The following FSTL5 variants were observed in gnomAD, a reference collection of about 807,000 sequenced individuals.
FSTL5 encodes follistatin-related protein 5.
In FSTL5, 62 loss-of-function variants were observed where a neutral mutation model predicts 89.1. The ratio of observed to expected loss-of-function variants is 0.70; its 90% CI spans 0.57 to 0.86. The LOEUF (loss-of-function observed/expected upper bound fraction) is 0.86, where lower values mean the gene tolerates loss of function less well. Ranked by LOEUF, FSTL5 falls within the 40% of genes least tolerant of loss-of-function variation. FSTL5 has a pLI of 0.00. For missense variants in FSTL5, 1,057 were observed against 1,001.6 expected, an observed-to-expected ratio of 1.06 and a Z score of -0.75; for synonymous variants, 383 against 346.2, an observed-to-expected ratio of 1.11 and a Z score of -1.18.
Position 161,908,968 on chromosome 4 carries a change from G to A in FSTL5, c.409+11436C>T, listed in dbSNP as rs185871763. Among the ~76,000 whole-genome samples, 53 of 152,166 alleles carry A rather than the reference G, an allele frequency of 3.5e-4. 1 individual carries two copies. Among genetic ancestry groups the A allele is most frequent in the South Asian group, 1.5e-3 (7 of 4,824 alleles). On this transcript the variant is annotated intron_variant, in intron 4 of 15. Transcript: ENST00000306100. ...TTGTCCTATGCCTACTTCAGTGACC[G>A]CTCATTGACCGGAAATGGAAAACTC... is the stretch of plus-strand genomic sequence containing the variant.
intron 3 of FSTL5, among the ~76,000 whole-genome samples, chr4:162,015,921 G>A (rs897210325): frequency 5.3e-5 from 8 of 152,122 alleles, no homozygotes; most frequent in Admixed American, 1.3e-4. Flanking sequence ...TTAAGACTTG[G>A]CAAGGATGTT....
intron 7 of FSTL5, among the ~76,000 whole-genome samples, chr4:161,624,832 G>T (rs1735259801): frequency 6.6e-6 from 1 of 151,958 alleles, no homozygotes; most frequent in Non-Finnish European, 1.5e-5. Flanking sequence ...TATATGTTTT[G>T]TAGATACTGC....
chr4:161,526,176 A>G (rs947794387), intron 10 of FSTL5, among the ~76,000 whole-genome samples: 1 of 152,188 alleles, frequency 6.6e-6, no homozygotes, highest in Non-Finnish European at 1.5e-5. Flanking sequence ...TGACATTAAC[A>G]TTAGTATAAC....
intron 4 of FSTL5, among the ~76,000 whole-genome samples, chr4:161,790,967 G>A (rs1287968384): frequency 2.8e-5 from 4 of 143,584 alleles, no homozygotes; most frequent in Admixed American, 2.2e-4. Flanking sequence ...TCATGACCAT[G>A]TCCCTAGCAC....
intron 15 of FSTL5, among the ~76,000 whole-genome samples, chr4:161,396,820 A>T (rs1314533665): frequency 6.6e-6 from 1 of 152,112 alleles, no homozygotes; most frequent in Admixed American, 6.6e-5. Context: ...TAAACATGAG[A>T]GTTGTTGACT....
chr4:161,565,780 C>CAA (rs1732777551), intron 8 of FSTL5, among the ~76,000 whole-genome samples: 9 of 147,264 alleles, frequency 6.1e-5, no homozygotes, highest in African/African-American at 2.3e-4. Flanking sequence ...CACACACACA[C>CAA]ACATATATAT....
rs376000476 is a variant in FSTL5 at position 161,978,261 on chromosome 4, A to G, written c.160+55364T>C. Among the ~76,000 whole-genome samples, 116 of 152,292 alleles carry G rather than the reference A, an allele frequency of 7.6e-4. 1 individual carries two copies. Among genetic ancestry groups the G allele is most frequent in the Middle Eastern group, 6.8e-3 (2 of 294 alleles). ...ATTTACATGTATATGTGCTTTATGT[A>G]TCTTGTGAACTAATTGATTATAAGG... On this transcript the variant is annotated intron_variant, in intron 3 of 15. Coordinates refer to ENST00000306100, the MANE Select transcript of FSTL5 (RefSeq NM_020116.5).
chr4:161,985,117 C>G (rs1735927804), intron 3 of FSTL5, among the ~76,000 whole-genome samples: 1 of 151,992 alleles, frequency 6.6e-6, no homozygotes, highest in Non-Finnish European at 1.5e-5. Flanking sequence ...CCACCATGCC[C>G]AGCTAATTTT....
At chr4:161,731,217 T>C (rs750453596) in intron 6 of FSTL5, among the ~76,000 whole-genome samples, 4 of 152,192 alleles carry the variant, frequency 2.6e-5, no homozygotes, top group Non-Finnish European at 5.9e-5. Context: ...ATGATGAATC[T>C]GTCACACCAA....
chr4:162,104,875 T>G (rs539333992), intron 2 of FSTL5, among the ~76,000 whole-genome samples: 3 of 152,268 alleles, frequency 2.0e-5, no homozygotes, highest in South Asian at 2.1e-4. Flanking sequence ...TGACTAGAGC[T>G]TGGAAGGTAA....
intron 3 of FSTL5, among the ~76,000 whole-genome samples, chr4:161,942,268 A>G (rs562154248): frequency 2.6e-5 from 4 of 151,288 alleles, no homozygotes; most frequent in Non-Finnish European, 4.4e-5. Context: ...GAAAGAAATA[A>G]TAAAGATTAG....
chr4:161,622,586 T>TG (rs1735180916), intron 7 of FSTL5, among the ~76,000 whole-genome samples: 2 of 151,984 alleles, frequency 1.3e-5, no homozygotes, highest in East Asian at 3.9e-4. Context: ...CCAAGTGGAG[T>TG]TACCATTGGG....
At chr4:161,550,045 T>C (rs1446134120) in intron 8 of FSTL5, among the ~76,000 whole-genome samples, 1 of 151,884 alleles carries the variant, frequency 6.6e-6, no homozygotes, top group East Asian at 1.9e-4. Flanking sequence ...TTCCCAGCTA[T>C]ACTCTGGGAA....
chr4:161,806,781 AGATAAAATCGGT>A (rs1187777434), intron 4 of FSTL5, among the ~76,000 whole-genome samples: 2 of 152,184 alleles, frequency 1.3e-5, no homozygotes, highest in Non-Finnish European at 2.9e-5. Context: ...AGAGATAGAT[AGATAAAATCGGT>A]GTATGACTGC....
chr4:161,860,215 G>C (rs574358381), intron 4 of FSTL5, among the ~76,000 whole-genome samples: 2 of 152,076 alleles, frequency 1.3e-5, no homozygotes, highest in Non-Finnish European at 2.9e-5. Context: ...GTGAACCCGG[G>C]AGGCGGAGCT....
At chr4:162,083,847 G>A (rs138703771) in intron 2 of FSTL5, among the ~76,000 whole-genome samples, 1 of 151,764 alleles carries the variant, frequency 6.6e-6, no homozygotes, top group East Asian at 1.9e-4. Context: ...TTCTTTAAGG[G>A]AAAAATTAAA....
chr4:161,840,339 A>C (rs1477426674), intron 4 of FSTL5, among the ~76,000 whole-genome samples: 2 of 152,230 alleles, frequency 1.3e-5, no homozygotes, highest in East Asian at 3.8e-4. Flanking sequence ...TTTTACAAAG[A>C]AACTCAGACT....
At chr4:161,699,719 G>C (rs2126728533) in intron 6 of FSTL5, among the ~76,000 whole-genome samples, 1 of 152,254 alleles carries the variant, frequency 6.6e-6, no homozygotes, top group Non-Finnish European at 1.5e-5. Context: ...ATTCACCCCA[G>C]ACTACGTATC....
At chr4:161,481,262 C>T in intron 12 of FSTL5, 93 bp from the exon 13 acceptor site, 7 of 842,228 alleles carry the variant, frequency 8.3e-6, no homozygotes, top group Non-Finnish European at 1.1e-5. Context: ...TCATACTTTA[C>T]TACTTTCAGC....
Sources: gnomAD v4.1 joint callset for allele counts (sites outside exome capture counted in the v4.1 genomes callset) on GRCh38, gnomAD v4.1.1 for gene constraint, MANE v1.5 for transcripts, NCBI Gene and HGNC (gene_info 2026-07-23, HGNC 2026-07-21) for gene names.